LRRC7: variants seen among roughly 807,000 people sequenced by gnomAD.
LRRC7 encodes leucine-rich repeat-containing protein 7.
LRRC7 carries 23 observed loss-of-function variants against 175.7 expected under a neutral mutation model. The ratio of observed to expected loss-of-function variants is 0.13; its 90% CI spans 0.09 to 0.19. LRRC7 has a LOEUF of 0.19. Among genes scored for constraint, LRRC7 ranks in the 10% least tolerant of loss-of-function variants. LRRC7 has a pLI of 1.00. For synonymous variants in LRRC7, 685 were observed against 680.9 expected (o/e 1.01, Z -0.09); for missense variants, 1,354 against 1,904.7 (o/e 0.71, Z 5.38).
Position 70,137,051 on chromosome 1 carries a change from G to C in LRRC7, c.*15164G>C, listed in dbSNP as rs61784319. ...TATTGCTTTTATAATATGACCCAAG[G>C]AACGTTTTCTGTTATCTCAGGAAGG... On this transcript the variant is annotated 3_prime_UTR_variant, in exon 27 of 27. Coordinates refer to ENST00000651989, the MANE Select transcript of LRRC7 (RefSeq NM_001370785.2). Among the ~76,000 whole-genome samples the C allele has an allele frequency of 0.079, 12,070 of 152,080 alleles. 554 individuals are homozygous for C. Among genetic ancestry groups the C allele is most frequent in the South Asian group, 0.19 (894 of 4,816 alleles).
At chr1:70,011,140 G>C (rs1265679618) in intron 11 of LRRC7, among the ~76,000 whole-genome samples, 1 of 152,148 alleles carries the variant, frequency 6.6e-6, no homozygotes, top group African/African-American at 2.4e-5. Context: ...AGGCTGAAAT[G>C]AGCCCTGTCC....
At chr1:69,951,583 A>G (rs1027926730) in intron 8 of LRRC7, among the ~76,000 whole-genome samples, 3 of 152,270 alleles carry the variant, frequency 2.0e-5, no homozygotes, top group Admixed American at 1.3e-4. Context: ...TGTAGTACAT[A>G]TAGACCATGG....
At chr1:69,838,135 G>T in intron 6 of LRRC7, 92 bp from the exon 7 acceptor site, 2 of 745,224 alleles carry the variant, frequency 2.7e-6, no homozygotes, top group South Asian at 1.7e-5. Context: ...GTTAACCATA[G>T]TAACCCTATA....
chr1:69,703,361 A>G (rs1350574784), intron 2 of LRRC7, among the ~76,000 whole-genome samples: 2 of 152,060 alleles, frequency 1.3e-5, no homozygotes, highest in Non-Finnish European at 2.9e-5. Flanking sequence ...AAGTAATACT[A>G]TAGTTTTACA....
At chr1:69,865,925 G>A (rs573870428) in intron 7 of LRRC7, among the ~76,000 whole-genome samples, 120 of 152,132 alleles carry the variant, frequency 7.9e-4, no homozygotes, top group Non-Finnish European at 1.5e-3. Flanking sequence ...TCTGCCAAAT[G>A]GAAAATAACA....
chr1:69,574,185 G>A (rs1050053168), intron 1 of LRRC7, among the ~76,000 whole-genome samples: 3 of 151,994 alleles, frequency 2.0e-5, no homozygotes, highest in Non-Finnish European at 4.4e-5. Flanking sequence ...GAACAAGTGA[G>A]AAGCTATTGA....
intron 2 of LRRC7, among the ~76,000 whole-genome samples, chr1:69,744,318 T>C (rs2100868623): frequency 6.6e-6 from 1 of 152,010 alleles, no homozygotes; most frequent in Non-Finnish European, 1.5e-5. Context: ...ATTGCTTTTC[T>C]ACTATCCTTA....
At chr1:69,880,017 G>T (rs1686441504) in intron 7 of LRRC7, 1 of 152,140 alleles carries the variant, frequency 6.6e-6, no homozygotes, top group Non-Finnish European at 1.5e-5. Flanking sequence ...AAGAGAGGAG[G>T]TTAACTACTA....
At chr1:70,012,719 T>G (rs980493472) in intron 12 of LRRC7, among the ~76,000 whole-genome samples, 1 of 151,412 alleles carries the variant, frequency 6.6e-6, no homozygotes. Flanking sequence ...AGCAAGTATT[T>G]TAAGCATAAA....
At chr1:69,778,517 A>C (rs1673072900) in intron 3 of LRRC7, among the ~76,000 whole-genome samples, 1 of 152,216 alleles carries the variant, frequency 6.6e-6, no homozygotes, top group African/African-American at 2.4e-5. Context: ...CACAGTAGAG[A>C]GACAACCAAT....
At chr1:69,936,655 A>G (rs759690047) in intron 8 of LRRC7, among the ~76,000 whole-genome samples, 8 of 152,044 alleles carry the variant, frequency 5.3e-5, no homozygotes, top group Admixed American at 1.3e-4. Flanking sequence ...TGTACAAATG[A>G]TTTCATCACC....
At chr1:69,832,281 G>A (rs1033407995) in intron 5 of LRRC7, among the ~76,000 whole-genome samples, 1 of 152,118 alleles carries the variant, frequency 6.6e-6, no homozygotes, top group Non-Finnish European at 1.5e-5. Context: ...CATTAGTTGA[G>A]TACTGTCTCT....
In LRRC7 at chr1:70,124,034, C is replaced by G. The variant is rs1666332054; in HGVS notation, c.*2147C>G. Among the ~76,000 whole-genome samples the G allele has an allele frequency of 1.3e-5, 2 of 152,176 alleles. No individual in the cohort carries two copies. Among genetic ancestry groups the G allele is most frequent in the Non-Finnish European group, 2.9e-5 (2 of 68,024 alleles). The stretch of plus-strand genomic sequence containing the variant: ...GACACACAGCTGAAAGGATCATAAT[C>G]CTAGTAAACACCTCTGCCACTCCTG... On this transcript the variant is annotated 3_prime_UTR_variant, in exon 27 of 27. Transcript: ENST00000651989.
At chr1:69,764,293 T>G (rs1352327499) in intron 3 of LRRC7, among the ~76,000 whole-genome samples, 1 of 151,766 alleles carries the variant, frequency 6.6e-6, no homozygotes, top group African/African-American at 2.4e-5. Context: ...TATGAAGTAG[T>G]GTGGGATGGC....
At chr1:69,632,181 A>T (rs1461167527) in intron 1 of LRRC7, among the ~76,000 whole-genome samples, 1 of 151,872 alleles carries the variant, frequency 6.6e-6, no homozygotes, top group Non-Finnish European at 1.5e-5. Flanking sequence ...GCAAGTGGCC[A>T]CTCCCATGTG....
intron 25 of LRRC7, among the ~76,000 whole-genome samples, chr1:70,101,952 G>A (rs924139872): frequency 6.6e-6 from 1 of 152,168 alleles, no homozygotes; most frequent in East Asian, 1.9e-4. Flanking sequence ...CTTTTGAAAG[G>A]AGCTTCCAGT....
intron 8 of LRRC7, among the ~76,000 whole-genome samples, chr1:69,934,490 T>C (rs890241322): frequency 6.0e-5 from 2 of 33,216 alleles, no homozygotes; most frequent in African/African-American, 2.5e-4. Context: ...AATAGATATT[T>C]TGGCGGGGGG....
In LRRC7 at chr1:70,125,743, GATCCCGC is replaced by G. The variant is rs570567290; in HGVS notation, c.*3857_*3863del. Reference sequence around the variant, plus strand: ...GGAGGCGGAGCTTGCAGTGAGCCGAGATCCCGCCACTGCACTCCAGCCTGGGCGACAG... The same window carrying G: ...GGAGGCGGAGCTTGCAGTGAGCCGAGCACTGCACTCCAGCCTGGGCGACAG... On this transcript the variant is annotated 3_prime_UTR_variant, in exon 27 of 27. Coordinates refer to ENST00000651989, the MANE Select transcript of LRRC7 (RefSeq NM_001370785.2). 0.027 allele frequency among the ~76,000 whole-genome samples: 3,408 copies of G among 124,836 alleles called. 105 individuals carry two copies. The highest frequency in any genetic ancestry group is 0.077 in the African/African-American group (2,529 of 32,988). The allele number at this position is 124,836 out of a possible 152,430, so 81.9% of individuals were successfully genotyped here.
At chr1:69,792,735 A>G (rs1402930824) in intron 4 of LRRC7, among the ~76,000 whole-genome samples, 1 of 152,082 alleles carries the variant, frequency 6.6e-6, no homozygotes, top group Non-Finnish European at 1.5e-5. Context: ...TGCCTAATAA[A>G]TAATAGGAAT....
Sources: allele counts gnomAD v4.1 joint callset (sites outside exome capture counted in the v4.1 genomes callset), GRCh38; gene constraint gnomAD v4.1.1; transcripts MANE v1.5; gene names NCBI Gene and HGNC (gene_info 2026-07-23, HGNC 2026-07-21).